RHPN2: variants seen among roughly 807,000 people sequenced by gnomAD.
The protein encoded by RHPN2 is rhophilin Rho GTPase binding protein 2, also known as rhophilin-2.
RHPN2 carries 40 observed loss-of-function variants against 79.0 expected under a neutral mutation model. The observed-to-expected ratio is 0.51, with a 90% CI of 0.39 to 0.66. The LOEUF is 0.66. Ranked by LOEUF, RHPN2 falls within the 30% of genes least tolerant of loss-of-function variation. RHPN2 has a pLI of 0.00. For synonymous variants in RHPN2, 285 were observed against 363.5 expected (o/e 0.78, Z 2.46); for missense variants, 686 against 883.5 (o/e 0.78, Z 2.83).
chr19:32,992,953 C>A (rs1212911080), intron 12 of RHPN2, among the ~76,000 whole-genome samples: 1 of 151,410 alleles, frequency 6.6e-6, no homozygotes, highest in Non-Finnish European at 1.5e-5. Context: ...GACCCCATCT[C>A]TACAAGAAAT....
At chr19:33,030,199 AC>A (rs1664131888) in intron 2 of RHPN2, among the ~76,000 whole-genome samples, 1 of 152,124 alleles carries the variant, frequency 6.6e-6, no homozygotes, top group African/African-American at 2.4e-5. Flanking sequence ...ACACACACGC[AC>A]ATTTGGACTG....
At chr19:33,007,781 C>T (rs1971803787) in intron 7 of RHPN2, among the ~76,000 whole-genome samples, 1 of 149,952 alleles carries the variant, frequency 6.7e-6, no homozygotes, top group African/African-American at 2.5e-5. Flanking sequence ...TGCAGTCTGG[C>T]CTCGATCTCC....
At chr19:32,986,668 C>T (rs1160747223) in intron 14 of RHPN2, among the ~76,000 whole-genome samples, 3 of 151,714 alleles carry the variant, frequency 2.0e-5, no homozygotes, top group Non-Finnish European at 4.4e-5. Context: ...GTGGTGCCCA[C>T]CTATAATCCC....
In RHPN2 at chr19:33,034,348, A is replaced by G. The variant is rs1315577695; in HGVS notation, c.186-7716T>C. 1.1e-4 allele frequency among the ~76,000 whole-genome samples: 16 copies of G among 145,148 alleles called. No individual in the cohort carries two copies. In the East Asian group the frequency reaches 1.5e-3, roughly 14 times the overall value. Reference sequence around the variant, plus strand: ...TGGCCGGGCGCGGTGGCTCATGCCTATAATCCCAGCACTTTGGGAGGCCGA... The same window carrying G: ...TGGCCGGGCGCGGTGGCTCATGCCTGTAATCCCAGCACTTTGGGAGGCCGA... On this transcript the variant is annotated intron_variant, in intron 2 of 14. Transcript: ENST00000254260.
At chr19:32,994,075 G>C (rs1262346098) in intron 11 of RHPN2, 22 bp from the exon 12 acceptor site, 1 of 1,542,820 alleles carries the variant, frequency 6.5e-7, no homozygotes, top group Admixed American at 1.7e-5. Flanking sequence ...GATTAGAAAT[G>C]GGAGGATAAA....
chr19:33,015,398 T>C (rs191348557), intron 4 of RHPN2, among the ~76,000 whole-genome samples: 1 of 152,214 alleles, frequency 6.6e-6, no homozygotes, highest in African/African-American at 2.4e-5. Flanking sequence ...GCACTCCAGC[T>C]TGGATGACAG....
rs1555712399 is a variant in RHPN2, at chr19:33,019,044, AAAAG to A, written c.390+2523_390+2526del. Among the ~76,000 whole-genome samples, 364 of 140,230 alleles carry A rather than the reference AAAAG, an allele frequency of 2.6e-3. 6 individuals are homozygous for A. Among genetic ancestry groups the A allele is most frequent in the African/African-American group, 3.1e-3 (110 of 35,564 alleles). 92.0% of individuals were successfully genotyped at this position (140,230 alleles called of 152,430 possible). The stretch of plus-strand genomic sequence containing the variant: ...GAAACTCCAGCTCAAAAAAAAAAAA[AAAAG>A]AAAGAAAGAAAGAAAAAAATAGTAA... On this transcript the variant is annotated intron_variant, in intron 4 of 14. Coordinates refer to ENST00000254260, the MANE Select transcript of RHPN2 (RefSeq NM_033103.5).
At chr19:33,058,631 T>A (rs1451832043) in intron 1 of RHPN2, among the ~76,000 whole-genome samples, 1 of 151,918 alleles carries the variant, frequency 6.6e-6, no homozygotes, top group Non-Finnish European at 1.5e-5. Flanking sequence ...AATACAAAAA[T>A]TAGCTGGGCG....
chr19:33,045,089 G>A (rs912405274), intron 1 of RHPN2, among the ~76,000 whole-genome samples: 7 of 145,670 alleles, frequency 4.8e-5, no homozygotes, highest in East Asian at 4.0e-4. Flanking sequence ...GTCTCGCTGC[G>A]TGCCTAGGAT....
chr19:33,008,638 C>A (rs566292329), intron 6 of RHPN2, among the ~76,000 whole-genome samples: 1 of 151,896 alleles, frequency 6.6e-6, no homozygotes, highest in Non-Finnish European at 1.5e-5. Flanking sequence ...GGCATGGTGG[C>A]GGGCGCCTGT....
At chr19:32,996,717 A>G (rs6510322) in intron 10 of RHPN2, among the ~76,000 whole-genome samples, 121,028 of 151,532 alleles carry the variant, frequency 0.8, 49,192 homozygotes, top group African/African-American at 0.95. Flanking sequence ...CCCCTCCCCT[A>G]TTTAGACCAT....
rs1221762385 is a variant in RHPN2 at position 32,980,271 on chromosome 19, G to C, written c.1801-15C>G. The stretch of plus-strand genomic sequence containing the variant: ...CTCTTATTATGCTGCACATAGAAAA[G>C]TAAGAAAAAGGGCGTCAGGCATCAT... On this transcript the variant is annotated splice_polypyrimidine_tract_variant and intron_variant, in intron 14 of 14. Transcript: ENST00000254260. 1 of 1,613,340 alleles carries C rather than the reference G, an allele frequency of 6.2e-7. No individual in the cohort carries two copies. The highest frequency in any genetic ancestry group is 1.7e-5 in the Admixed American group (1 of 59,970).
intron 2 of RHPN2, among the ~76,000 whole-genome samples, chr19:33,033,919 G>C (rs1599827437): frequency 6.6e-6 from 1 of 151,706 alleles, no homozygotes; most frequent in East Asian, 1.9e-4. Flanking sequence ...GAGACCCTAA[G>C]AACCCCACCA....
At chr19:32,986,704 G>C (rs1971615263) in intron 14 of RHPN2, among the ~76,000 whole-genome samples, 3 of 149,670 alleles carry the variant, frequency 2.0e-5, no homozygotes, top group South Asian at 4.2e-4. Flanking sequence ...TGAGGCAGGA[G>C]AATCACTTGA....
intron 3 of RHPN2, 55 bp from the exon 4 acceptor site, chr19:33,021,701 C>A (rs1405699195): frequency 1.4e-6 from 2 of 1,402,458 alleles, no homozygotes; most frequent in Non-Finnish European, 1.0e-6. Flanking sequence ...CCCCTGTGCA[C>A]CCCACGGCCT....
At chr19:33,055,182 T>G (rs7246562) in intron 1 of RHPN2, among the ~76,000 whole-genome samples, 60,920 of 151,776 alleles carry the variant, frequency 0.4, 15,256 homozygotes, top group African/African-American at 0.7. Flanking sequence ...AGACCCCATC[T>G]CTACAAAAAA....
chr19:32,998,187 G>A (rs771268483), intron 10 of RHPN2, among the ~76,000 whole-genome samples: 1 of 152,170 alleles, frequency 6.6e-6, no homozygotes, highest in African/African-American at 2.4e-5. Flanking sequence ...GCCACGAGAC[G>A]CACCTCATAG....
At chr19:33,011,935 T>A in intron 5 of RHPN2, 132 bp from the exon 6 acceptor site, 1 of 1,173,266 alleles carries the variant, frequency 8.5e-7, no homozygotes, top group South Asian at 1.3e-5. Flanking sequence ...GCTACTGGCA[T>A]CGTAAACTCT....
Position 33,020,098 on chromosome 19 carries a change from G to T in RHPN2, c.390+1473C>A, listed in dbSNP as rs139184229. The stretch of plus-strand genomic sequence containing the variant: ...AAACCCCCACTGACCCAAAGGCCCC[G>T]CAGGCAGGGCTTGTGGCATCTCTGG... On this transcript the variant is annotated intron_variant, in intron 4 of 14. Transcript: ENST00000254260. Among the ~76,000 whole-genome samples, 421 of 152,168 alleles carry T rather than the reference G, an allele frequency of 2.8e-3. 2 individuals carry two copies. The highest frequency in any genetic ancestry group is 9.6e-3 in the African/African-American group (400 of 41,530).
Sources: gnomAD v4.1 joint callset for allele counts (sites outside exome capture counted in the v4.1 genomes callset) on GRCh38, gnomAD v4.1.1 for gene constraint, MANE v1.5 for transcripts, NCBI Gene and HGNC (gene_info 2026-07-23, HGNC 2026-07-21) for gene names.